The following KPNA6 variants were observed in gnomAD, a reference collection of about 807,000 sequenced individuals.
The protein encoded by KPNA6 is karyopherin subunit alpha 6, also known as importin subunit alpha-7.
In KPNA6, 9 loss-of-function variants were observed where a neutral mutation model predicts 72.0. The observed-to-expected ratio is 0.13, with a 90% CI of 0.08 to 0.22. KPNA6 has a LOEUF of 0.22. Among genes scored for constraint, KPNA6 ranks in the 10% least tolerant of loss-of-function variants. The pLI, the probability that KPNA6 is intolerant of heterozygous loss-of-function variation, is 1.00. For missense variants in KPNA6, 374 were observed against 655.7 expected (o/e 0.57, Z 4.69); for synonymous variants, 219 against 242.1 (o/e 0.90, Z 0.89).
chr1:32,143,066 T>C (rs1040350518), intron 1 of KPNA6: 1 of 1,109,344 alleles, frequency 9.0e-7, no homozygotes, highest in Non-Finnish European at 1.2e-6. Context: ...TTCAGAAATC[T>C]GTTGTCTACT....
In KPNA6 at chr1:32,167,342, C is replaced by T. The variant is rs545542234; in HGVS notation, c.1244+46C>T. 8.7e-6 allele frequency: 14 copies of T among 1,611,198 alleles called. No individual in the cohort carries two copies. In the Admixed American group the frequency reaches 1.7e-4, roughly 19 times the overall value. On this transcript the variant is annotated intron_variant, in intron 12 of 13. Transcript: ENST00000373625. ...TGTCTTGAATGATAATGGATGCTCT[C>T]CCTGTTTGCTCATGGTTTACAGGTG...
chr1:32,120,562 AT>A (rs1313356157), intron 1 of KPNA6, among the ~76,000 whole-genome samples: 1 of 150,500 alleles, frequency 6.6e-6, no homozygotes, highest in African/African-American at 2.4e-5. Context: ...AATTTTTTTA[AT>A]TAATTAATTA....
intron 1 of KPNA6, among the ~76,000 whole-genome samples, chr1:32,109,622 T>G (rs906359190): frequency 4.0e-5 from 6 of 151,612 alleles, no homozygotes; most frequent in Non-Finnish European, 8.8e-5. Flanking sequence ...GCTTTTTGTT[T>G]TTGCATGTGG....
intron 6 of KPNA6, 60 bp downstream of exon 6, chr1:32,159,591 TG>T (rs750927060): frequency 9.6e-6 from 15 of 1,567,354 alleles, no homozygotes; most frequent in Non-Finnish European, 1.3e-5. Flanking sequence ...AAAATATATT[TG>T]GTCTTTGTCC....
rs555057122 is a variant in KPNA6, at chr1:32,153,588, A to G, written c.5-1000A>G. On this transcript the variant is annotated intron_variant, in intron 1 of 13. Transcript: ENST00000373625. The stretch of plus-strand genomic sequence containing the variant: ...CTCTGTCTCAAAAAAAAAAAAAAAA[A>G]AAGAAGAAAAATATTTAAAAATACA... Among the ~76,000 whole-genome samples the G allele has an allele frequency of 3.8e-3, 564 of 148,374 alleles. 2 individuals are homozygous for G. Among genetic ancestry groups the G allele is most frequent in the Non-Finnish European group, 4.6e-3 (307 of 67,094 alleles).
chr1:32,157,880 T>G lies in KPNA6; in HGVS notation c.332-387T>G, dbSNP rs541946338. Among the ~76,000 whole-genome samples, 3 of 152,322 alleles carry G rather than the reference T, an allele frequency of 2.0e-5. No individual in the cohort carries two copies. The East Asian group carries it at 5.8e-4, about 29-fold the overall frequency. On this transcript the variant is annotated intron_variant, in intron 4 of 13. Transcript: ENST00000373625. ...ACCATAGGTACTTAATAAAAAAATT[T>G]AATGTATGATTGGAAAAATACCTCT...
rs149936467 is a variant in KPNA6, at chr1:32,129,324, G to C, written c.4+21190G>C. On this transcript the variant is annotated intron_variant, in intron 1 of 13. Transcript: ENST00000373625. ...TGGGAGGCATGTACCACCATGCCTG[G>C]CTAATTTTTGTATTTTTTTTTAGTA... Among the ~76,000 whole-genome samples, 850 of 151,770 alleles carry C rather than the reference G, an allele frequency of 5.6e-3. 12 individuals are homozygous for C. The highest frequency in any genetic ancestry group is 0.02 in the African/African-American group (821 of 41,340).
intron 1 of KPNA6, among the ~76,000 whole-genome samples, chr1:32,145,124 T>G (rs1490449439): frequency 1.3e-5 from 2 of 151,616 alleles, no homozygotes; most frequent in South Asian, 2.1e-4. Flanking sequence ...AGCTAATTTT[T>G]TTGTTGTTGT....
chr1:32,138,075 C>T (rs971372138), intron 1 of KPNA6, among the ~76,000 whole-genome samples: 2 of 148,542 alleles, frequency 1.3e-5, no homozygotes, highest in African/African-American at 2.5e-5. Context: ...GCAGAGGTTG[C>T]GATGAGCCAA....
intron 1 of KPNA6, among the ~76,000 whole-genome samples, chr1:32,125,556 T>TA (rs1414891956): frequency 6.6e-6 from 1 of 152,208 alleles, no homozygotes; most frequent in African/African-American, 2.4e-5. Context: ...TTGGCTGCCT[T>TA]CCATGAAGTC....
intron 1 of KPNA6, among the ~76,000 whole-genome samples, chr1:32,121,152 G>GT (rs1641427457): frequency 6.6e-6 from 1 of 152,106 alleles, no homozygotes; most frequent in Admixed American, 6.6e-5. Context: ...GATTACAAGC[G>GT]TAAGCTACTG....
chr1:32,120,965 T>C (rs1225458978), intron 1 of KPNA6, among the ~76,000 whole-genome samples: 4 of 150,300 alleles, frequency 2.7e-5, no homozygotes, highest in African/African-American at 7.4e-5. Context: ...ATCTCCTGAG[T>C]TCAAGCGTTC....
chr1:32,109,402 C>A lies in KPNA6; in HGVS notation c.4+1268C>A, dbSNP rs1308340870. ...GGCCAGGCTGGTCTCGAACCCCTGA[C>A]CTCAAGTGATTCGCCTGCCTCGGCC... On this transcript the variant is annotated intron_variant, in intron 1 of 13. Transcript: ENST00000373625. Among the ~76,000 whole-genome samples the A allele has an allele frequency of 2.0e-5, 3 of 151,884 alleles. No individual in the cohort carries two copies. In the East Asian group the frequency reaches 5.8e-4, roughly 29 times the overall value.
chr1:32,109,074 A>C (rs1026086287), intron 1 of KPNA6, among the ~76,000 whole-genome samples: 1 of 152,192 alleles, frequency 6.6e-6, no homozygotes, highest in Non-Finnish European at 1.5e-5. Flanking sequence ...GCCATTTTAC[A>C]GATGTGGAAG....
chr1:32,133,728 G>A (rs576167338), intron 1 of KPNA6, among the ~76,000 whole-genome samples: 16 of 152,032 alleles, frequency 1.1e-4, no homozygotes, highest in African/African-American at 3.4e-4. Context: ...AAGAAAAACC[G>A]TCAAGCAAGA....
At chr1:32,167,391 A>G in intron 12 of KPNA6, 95 bp downstream of exon 12, 1 of 1,424,242 alleles carries the variant, frequency 7.0e-7, no homozygotes, top group Non-Finnish European at 9.8e-7. Context: ...TCTTGCTCAG[A>G]CAGGTCTGCC....
chr1:32,114,289 A>C (rs953042814), intron 1 of KPNA6, among the ~76,000 whole-genome samples: 1 of 151,954 alleles, frequency 6.6e-6, no homozygotes, highest in Non-Finnish European at 1.5e-5. Context: ...GAAATACAAA[A>C]AATTAGCCTG....
At chr1:32,128,922 G>C (rs1641588241) in intron 1 of KPNA6, among the ~76,000 whole-genome samples, 1 of 152,096 alleles carries the variant, frequency 6.6e-6, no homozygotes, top group Non-Finnish European at 1.5e-5. Flanking sequence ...CTGTGACTCT[G>C]AGATAGTCTG....
chr1:32,170,113 C>T lies in KPNA6; in HGVS notation c.1423+53C>T, dbSNP rs111917673. ...AGAACCTGAGACTGTAGGCCTCCAA[C>T]GTGGTATACATATGTTGGTGGTGGC... On this transcript the variant is annotated intron_variant, in intron 13 of 13. Coordinates refer to ENST00000373625, the MANE Select transcript of KPNA6 (RefSeq NM_012316.5). 129 of 1,512,452 alleles carry T rather than the reference C, an allele frequency of 8.5e-5. 2 individuals are homozygous for T. The African/African-American group carries it at 1.2e-3, about 13-fold the overall frequency. 93.7% of individuals were successfully genotyped at this position (1,512,452 alleles called of 1,614,324 possible).
Sources: allele counts gnomAD v4.1 joint callset (sites outside exome capture counted in the v4.1 genomes callset), GRCh38; gene constraint gnomAD v4.1.1; transcripts MANE v1.5; gene names NCBI Gene and HGNC (gene_info 2026-07-23, HGNC 2026-07-21).